Variants in FAM174C observed in about 807,000 individuals in gnomAD.
FAM174C encodes family with sequence similarity 174 member C.
Under a neutral mutation model 12.3 loss-of-function variants are expected in FAM174C, and 19 were observed. The ratio of observed to expected loss-of-function variants is 1.55; its 90% CI spans 1.08 to 2.27. The LOEUF is 2.27. Ranked by LOEUF, FAM174C falls within the 30% of genes most tolerant of loss-of-function variation. FAM174C has a pLI of 0.00. For missense variants in FAM174C, 239 were observed against 190.2 expected (o/e 1.26, Z -1.51); for synonymous variants, 147 against 103.5 (o/e 1.42, Z -2.55).
intron 1 of FAM174C, chr19:1,276,214 C>T (rs962041792): frequency 2.5e-5 from 6 of 242,254 alleles, no homozygotes; most frequent in African/African-American, 9.2e-5. Flanking sequence ...CATCTTCCCG[C>T]CTGCCGCCAG....
In FAM174C at chr19:1,277,340, C is replaced by G. The variant is rs531820089; in HGVS notation, c.398+41C>G. On this transcript the variant is annotated intron_variant, in intron 2 of 2. Transcript: ENST00000409293. ...CAGCTCTGGGGCCTCGGTGGGCAGGCTGGGCTGGAGACTCAGCAGGACCCT... is the reference window on the plus strand; with the variant it reads ...CAGCTCTGGGGCCTCGGTGGGCAGGGTGGGCTGGAGACTCAGCAGGACCCT... 116 of 1,525,322 alleles carry G rather than the reference C, an allele frequency of 7.6e-5. 1 individual carries two copies. The African/African-American group carries it at 1.5e-3, about 20-fold the overall frequency. 94.5% of individuals were successfully genotyped at this position (1,525,322 alleles called of 1,614,324 possible).
Position 1,275,771 on chromosome 19 carries a change from C to T in FAM174C, c.222C>T (p.Phe74=), listed in dbSNP as rs773038386. ...GASGSALTRS[F]YVILGFCGLT... ...CGGGCTCGGCGCTGACGCGCTCCTT[C>T]TACGTGATCCTGGGCTTCTGCGGCC... is the stretch of plus-strand genomic sequence containing the variant. Residue 74 remains phenylalanine (F), a synonymous_variant, in exon 1 of 3, where the codon TTC becomes TTT. Coordinates refer to ENST00000409293, the MANE Select transcript of FAM174C (RefSeq NM_017914.4). 28 of 1,539,652 alleles carry T rather than the reference C, an allele frequency of 1.8e-5. No homozygotes were observed. The highest frequency in any genetic ancestry group is 1.4e-4 in the African/African-American group (10 of 72,760).
At chr19:1,278,669 C>A (rs2081426270) in intron 2 of FAM174C, 108 bp from the exon 3 acceptor site, 1 of 1,544,272 alleles carries the variant, frequency 6.5e-7, no homozygotes, top group Non-Finnish European at 8.7e-7. Context: ...CCCTGGTAGA[C>A]CGAGGGGCCT....
intron 1 of FAM174C, 65 bp from the exon 2 acceptor site, chr19:1,277,118 C>T (rs2081418897): frequency 1.2e-5 from 18 of 1,503,474 alleles, no homozygotes; most frequent in Admixed American, 2.0e-5. Flanking sequence ...AATGAGAGTC[C>T]TGAGGGAAGG....
rs2081427435 is a variant in FAM174C at position 1,278,879 on chromosome 19, C to G, written c.*102C>G. ...ACCCCCTGCTCCACCGCTCATTCCC[C>G]TGCTGGCCCCGGGGCTGGTCTCACC... On this transcript the variant is annotated 3_prime_UTR_variant, in exon 3 of 3. Transcript: ENST00000409293. The G allele has an allele frequency of 3.7e-6, 6 of 1,613,120 alleles. No homozygotes were observed. The highest frequency in any genetic ancestry group is 5.1e-6 in the Non-Finnish European group (6 of 1,179,848).
rs758937201 is a variant in FAM174C at position 1,278,972 on chromosome 19, C to T, written c.*195C>T. On this transcript the variant is annotated 3_prime_UTR_variant, in exon 3 of 3. Transcript: ENST00000409293. ...CCGACCTGTTGCCACCTGCACCCAC[C>T]GCTGGACCATGCAGCCTCGCCTCCT... The T allele has an allele frequency of 3.4e-5, 55 of 1,612,550 alleles. No individual in the cohort carries two copies. Among genetic ancestry groups the T allele is most frequent in the Middle Eastern group, 1.6e-4 (1 of 6,084 alleles).
At chr19:1,277,442 A>G in intron 2 of FAM174C, 143 bp downstream of exon 2, 1 of 1,283,226 alleles carries the variant, frequency 7.8e-7, no homozygotes, top group Non-Finnish European at 1.0e-6. Context: ...CCCACTGGGC[A>G]GGGCTCATCC....
At chr19:1,275,895 A>C in intron 1 of FAM174C, 65 bp downstream of exon 1, 1 of 1,451,042 alleles carries the variant, frequency 6.9e-7, no homozygotes, top group Non-Finnish European at 9.3e-7. Context: ...CTAGTGCGTC[A>C]CGTGCCGGGC....
chr19:1,278,331 G>C (rs948261757), intron 2 of FAM174C, among the ~76,000 whole-genome samples: 1 of 152,180 alleles, frequency 6.6e-6, no homozygotes, highest in East Asian at 1.9e-4. Flanking sequence ...CCTGGGCATC[G>C]AGGCAGCTGT....
intron 1 of FAM174C, 98 bp downstream of exon 1, chr19:1,275,928 C>T (rs1312737206): frequency 2.1e-6 from 2 of 958,064 alleles, no homozygotes; most frequent in East Asian, 2.7e-5. Context: ...CCCTCCCTCC[C>T]TCCCTCCCTC....
Position 1,275,633 on chromosome 19 carries a change from G to A in FAM174C, c.84G>A (p.Glu28=), listed in dbSNP as rs1284140931. ...LLAALPCGAE[E]ASPLRPAQVT... The stretch of plus-strand genomic sequence containing the variant: ...CGGCGCTGCCGTGCGGTGCCGAAGA[G>A]GCCTCGCCGCTGCGCCCCGCGCAGG... The change falls in exon 1 of 3, where the codon GAG becomes GAA. Residue 28 remains glutamate (E), a synonymous_variant. Coordinates refer to ENST00000409293, the MANE Select transcript of FAM174C (RefSeq NM_017914.4). The A allele has an allele frequency of 5.3e-5, 73 of 1,375,942 alleles. No homozygotes were observed. The highest frequency in any genetic ancestry group is 6.8e-5 in the Non-Finnish European group (73 of 1,075,772). The allele number at this position is 1,375,942 out of a possible 1,614,324, so 85.2% of individuals were successfully genotyped here.
intron 1 of FAM174C, 192 bp downstream of exon 1, chr19:1,276,022 C>G: frequency 1.7e-6 from 1 of 574,050 alleles, no homozygotes; most frequent in Non-Finnish European, 3.0e-6. Flanking sequence ...ACGGGACTCA[C>G]CCGCTCTCCA....
At position 1,278,992 on chromosome 19, in the gene FAM174C, C is replaced by T. The variant is rs759255234; in HGVS notation, c.*215C>T. On this transcript the variant is annotated 3_prime_UTR_variant, in exon 3 of 3. Coordinates refer to ENST00000409293, the MANE Select transcript of FAM174C (RefSeq NM_017914.4). ...CCCACCGCTGGACCATGCAGCCTCG[C>T]CTCCTGGATGCTGTCCCAGCCTGGC... 6.2e-7 allele frequency: 1 copy of T among 1,612,224 alleles called. No individual in the cohort carries two copies. Among genetic ancestry groups the T allele is most frequent in the Non-Finnish European group, 8.5e-7 (1 of 1,179,944 alleles).
rs2081426050 is a variant in FAM174C at position 1,278,627 on chromosome 19, C to A, written c.*-150C>A. 2.7e-6 allele frequency: 4 copies of A among 1,458,780 alleles called. No homozygotes were observed. The South Asian group carries it at 5.4e-5, about 20-fold the overall frequency. 90.4% of individuals were successfully genotyped at this position (1,458,780 alleles called of 1,614,324 possible). A position where few individuals can be genotyped will look rare whatever the true frequency, so the allele number is the denominator to read the frequency against. On this transcript the variant is annotated intron_variant, in intron 2 of 2. Transcript: ENST00000409293. ...GGGCAGTTGCACAGGGCCCAGGAGG[C>A]CGGGGAGGGAGGCCAGTGGGGGGAG...
Position 1,275,569 on chromosome 19 carries a change from AGCCGCC to A in FAM174C, c.23_28del (p.Pro8_Pro9del). 1 of 1,214,402 alleles carries A rather than the reference AGCCGCC, an allele frequency of 8.2e-7. No homozygotes were observed. The highest frequency in any genetic ancestry group is 1.0e-6 in the Non-Finnish European group (1 of 980,790). 75.2% of individuals were successfully genotyped at this position (1,214,402 alleles called of 1,614,324 possible). ...CGGGCCATGGGGCCGCGCGTGCTGCAGCCGCCGCTGCTGCTGCTCCTGCTGGCGCTG... is the reference window on the plus strand; with the variant it reads ...CGGGCCATGGGGCCGCGCGTGCTGCAGCTGCTGCTGCTCCTGCTGGCGCTG... On this transcript the variant is annotated inframe_deletion, in exon 1 of 3. Transcript: ENST00000409293.
At chr19:1,277,375 G>A (rs1263540961) in intron 2 of FAM174C, 76 bp downstream of exon 2, 1 of 1,499,874 alleles carries the variant, frequency 6.7e-7, no homozygotes, top group Non-Finnish European at 9.0e-7. Context: ...TGGGGACTTG[G>A]CCAAGCCATG....
chr19:1,275,709 CCA>C lies in FAM174C; in HGVS notation c.165_166del (p.His55GlnfsTer39). On this transcript the variant is annotated frameshift_variant, in exon 1 of 3. Coordinates refer to ENST00000409293, the MANE Select transcript of FAM174C (RefSeq NM_017914.4). LOFTEE classifies it high-confidence loss of function. ...GACGAACGGGAGCCAGCCGGGCGCG[CCA>C]CACAACAGCACGCACACGCGTCCGC... ...AVTNGSQPGA[P>X]HNSTHTRPPG... 6.6e-7 allele frequency: 1 copy of C among 1,511,596 alleles called. No individual in the cohort carries two copies. Among genetic ancestry groups the C allele is most frequent in the South Asian group, 1.2e-5 (1 of 81,780 alleles). 93.6% of individuals were successfully genotyped at this position (1,511,596 alleles called of 1,614,324 possible). A position where few individuals can be genotyped will look rare whatever the true frequency, so the allele number is the denominator to read the frequency against.
At chr19:1,278,205 G>T (rs2081423884) in intron 2 of FAM174C, among the ~76,000 whole-genome samples, 1 of 152,294 alleles carries the variant, frequency 6.6e-6, no homozygotes, top group Admixed American at 6.5e-5. Flanking sequence ...GAGCGGGCGG[G>T]GTCAGGGAGG....
rs145542106 is a variant in FAM174C at position 1,276,204 on chromosome 19, C to T, written c.281+374C>T. ...GTCGCCGGATGCCCGTCCTCGTTCT[C>T]ATCTTCCCGCCTGCCGCCAGGCCTT... On this transcript the variant is annotated intron_variant, in intron 1 of 2. Coordinates refer to ENST00000409293, the MANE Select transcript of FAM174C (RefSeq NM_017914.4). The T allele has an allele frequency of 5.1e-3, 1,306 of 257,084 alleles. 10 individuals carry two copies. The highest frequency in any genetic ancestry group is 0.028 in the African/African-American group (1,212 of 43,920). 15.9% of individuals were successfully genotyped at this position (257,084 alleles called of 1,614,324 possible). A position where few individuals can be genotyped will look rare whatever the true frequency, so the allele number is the denominator to read the frequency against.
Sources: allele counts gnomAD v4.1 joint callset (sites outside exome capture counted in the v4.1 genomes callset), GRCh38; gene constraint gnomAD v4.1.1; transcripts MANE v1.5; gene names NCBI Gene and HGNC (gene_info 2026-07-23, HGNC 2026-07-21).